FNDC4: variants seen among roughly 807,000 people sequenced by gnomAD.
FNDC4 encodes fibronectin type III domain containing 4, also known as fibronectin type III domain-containing protein 4.
In FNDC4, 11 loss-of-function variants were observed where a neutral mutation model predicts 25.1. The observed-to-expected ratio is 0.44, with a 90% CI of 0.28 to 0.73. The LOEUF is 0.73. Ranked by LOEUF, FNDC4 falls within the 30% of genes least tolerant of loss-of-function variation. The pLI is 0.16. For synonymous variants in FNDC4, 136 were observed against 118.8 expected (o/e 1.14, Z -0.94); for missense variants, 250 against 304.3 (o/e 0.82, Z 1.33).
In FNDC4 at chr2:27,494,020, C is replaced by T. The variant is rs1046558; in HGVS notation, c.364G>A (p.Gly122Ser). 2.5e-6 allele frequency: 4 copies of T among 1,614,096 alleles called. No homozygotes were observed. In the African/African-American group the frequency reaches 4.0e-5, roughly 16 times the overall value. The change falls in exon 4 of 7, where the codon GGC becomes AGC. Residue 122 changes from glycine (G) to serine (S), a missense_variant. By Grantham distance (56) the Gly-to-Ser change is moderately conservative. Transcript: ENST00000264703. The surrounding 1 kb of genome is among the most constrained non-coding windows in gnomAD (Gnocchi z 4.6). ...CCTGGGGGACTCTCTCCCCGAAGGC[C>T]GATGCTCCTGACCTGCACTGTGTAG... is the stretch of plus-strand genomic sequence containing the variant. ...SDYTVQVRSI[G>S]LRGESPPGPR...
rs371859539 is a variant in FNDC4, at chr2:27,494,141, G to A, written c.250-7C>T. On this transcript the variant is annotated splice_polypyrimidine_tract_variant and splice_region_variant and intron_variant, in intron 3 of 6. Coordinates refer to ENST00000264703, the MANE Select transcript of FNDC4 (RefSeq NM_022823.3). The surrounding 1 kb of genome is among the most constrained non-coding windows in gnomAD (Gnocchi z 4.6). ...GCCCGGGGCCATTCTGCCGCTGCAG[G>A]GAGATGAGGGGAGAGGAGGACAGCC... 1.2e-5 allele frequency: 19 copies of A among 1,612,568 alleles called. No homozygotes were observed. In the African/African-American group the frequency reaches 2.0e-4, roughly 17 times the overall value.
In FNDC4 at chr2:27,494,660, C is replaced by G. The variant is rs1464921888; in HGVS notation, c.20G>C (p.Ser7Thr). 6.4e-7 allele frequency: 1 copy of G among 1,565,300 alleles called. No homozygotes were observed. The highest frequency in any genetic ancestry group is 8.6e-7 in the Non-Finnish European group (1 of 1,159,018). MPSGCH[S>T]SPPSGLRGDM... Reference sequence around the variant, plus strand: ...CCCACGGAGTCCGCTGGGGGGGGAACTGTGGCATCCGCTTGGCATCCGCTT... The same window carrying G: ...CCCACGGAGTCCGCTGGGGGGGGAAGTGTGGCATCCGCTTGGCATCCGCTT... Residue 7 changes from serine (S) to threonine (T), a missense_variant, in exon 2 of 7, where the codon AGT becomes ACT. By Grantham distance (58) the Ser-to-Thr change is moderately conservative (BLOSUM62 1). Coordinates refer to ENST00000264703, the MANE Select transcript of FNDC4 (RefSeq NM_022823.3). This position sits in a 1 kb window ranked among gnomAD's most constrained non-coding sequence, Gnocchi z 4.6.
In FNDC4 at chr2:27,492,672, T is replaced by C. The variant is rs753341383; in HGVS notation, c.663A>G (p.Thr221=). 3 of 1,614,016 alleles carry C rather than the reference T, an allele frequency of 1.9e-6. No homozygotes were observed. Among genetic ancestry groups the C allele is most frequent in the African/African-American group, 2.7e-5 (2 of 74,926 alleles). Residue 221 remains threonine (T), a synonymous_variant, in exon 6 of 7, where the codon ACA becomes ACG. Coordinates refer to ENST00000264703, the MANE Select transcript of FNDC4 (RefSeq NM_022823.3). The surrounding 1 kb of genome is among the most constrained non-coding windows in gnomAD (Gnocchi z 4.1). The part of the protein sequence containing the change: ...EQSPQGRPVG[T]RQKKSPSINT... ...TCACTGGCCCCCACATCACCTGTCT[T>C]GTCCCCACTGGCCTTCCCTGAGGAC... is the stretch of plus-strand genomic sequence containing the variant.
chr2:27,493,978 G>C lies in FNDC4; in HGVS notation c.406C>G (p.Arg136Gly). 1 of 1,614,212 alleles carries C rather than the reference G, an allele frequency of 6.2e-7. No homozygotes were observed. The highest frequency in any genetic ancestry group is 8.5e-7 in the Non-Finnish European group (1 of 1,180,040). Residue 136 changes from arginine (R) to glycine (G), a missense_variant, in exon 4 of 7, where the codon CGA (arginine) becomes GGA (glycine). By Grantham distance (125) the Arg-to-Gly change is moderately radical. Coordinates refer to ENST00000264703, the MANE Select transcript of FNDC4 (RefSeq NM_022823.3). ...AGCCGGTCAGAACCCTTGAGAGTTCGGAAGTGCACCCGGGGCCCTGGGGGA... is the reference window on the plus strand; with the variant it reads ...AGCCGGTCAGAACCCTTGAGAGTTCCGAAGTGCACCCGGGGCCCTGGGGGA... The part of the protein sequence containing the change: ...ESPPGPRVHF[R>G]TLKGSDRLPS...
Position 27,492,278 on chromosome 2 carries a change from C to A in FNDC4, c.*165G>T. On this transcript the variant is annotated 3_prime_UTR_variant, in exon 7 of 7. Coordinates refer to ENST00000264703, the MANE Select transcript of FNDC4 (RefSeq NM_022823.3). This position sits in a 1 kb window ranked among gnomAD's most constrained non-coding sequence, Gnocchi z 4.1. Reference sequence around the variant, plus strand: ...GGGCACAGACTCTGAACAGACCTACCTTCTGGCTCTGCTCACAGTGGAAAG... The same window carrying A: ...GGGCACAGACTCTGAACAGACCTACATTCTGGCTCTGCTCACAGTGGAAAG... 2 of 818,716 alleles carry A rather than the reference C, an allele frequency of 2.4e-6. No individual in the cohort carries two copies. The highest frequency in any genetic ancestry group is 1.5e-5 in the South Asian group (1 of 65,514). The allele number at this position is 818,716 out of a possible 1,614,324, so 50.7% of individuals were successfully genotyped here.
chr2:27,492,629 G>C lies in FNDC4; in HGVS notation c.669+37C>G, dbSNP rs530066881. On this transcript the variant is annotated intron_variant, in intron 6 of 6. Transcript: ENST00000264703. This position sits in a 1 kb window ranked among gnomAD's most constrained non-coding sequence, Gnocchi z 4.1. The stretch of plus-strand genomic sequence containing the variant: ...TTTCCCTGGCTGCCCCTCAGGGGCA[G>C]AATCACCCTTTCCGCCCTCACTGGC... The C allele has an allele frequency of 6.2e-7, 1 of 1,613,648 alleles. No homozygotes were observed. Among genetic ancestry groups the C allele is most frequent in the Admixed American group, 1.7e-5 (1 of 60,002 alleles).
chr2:27,492,818 A>G lies in FNDC4; in HGVS notation c.545-28T>C. The G allele has an allele frequency of 6.2e-7, 1 of 1,613,542 alleles. No individual in the cohort carries two copies. The highest frequency in any genetic ancestry group is 8.5e-7 in the Non-Finnish European group (1 of 1,179,910). ...GAAACACAATACAGTCTGAGCCTTCATCTCCACTTCCCCCCTCATAGGGAG... is the reference window on the plus strand; with the variant it reads ...GAAACACAATACAGTCTGAGCCTTCGTCTCCACTTCCCCCCTCATAGGGAG... On this transcript the variant is annotated intron_variant, in intron 5 of 6. Coordinates refer to ENST00000264703, the MANE Select transcript of FNDC4 (RefSeq NM_022823.3). This position sits in a 1 kb window ranked among gnomAD's most constrained non-coding sequence, Gnocchi z 4.1.
In FNDC4 at chr2:27,492,354, T is replaced by C; in HGVS notation, c.*89A>G. ...TGGGAGTGGCATTACCCTCTGGGAG[T>C]CTCGGGCAGATCACCATCTTGGGCT... On this transcript the variant is annotated 3_prime_UTR_variant, in exon 7 of 7. Coordinates refer to ENST00000264703, the MANE Select transcript of FNDC4 (RefSeq NM_022823.3). The surrounding 1 kb of genome is among the most constrained non-coding windows in gnomAD (Gnocchi z 4.1). The C allele has an allele frequency of 6.6e-7, 1 of 1,506,098 alleles. No individual in the cohort carries two copies. The highest frequency in any genetic ancestry group is 9.2e-7 in the Non-Finnish European group (1 of 1,082,014). The allele number at this position is 1,506,098 out of a possible 1,614,324, so 93.3% of individuals were successfully genotyped here.
In FNDC4 at chr2:27,494,615, G is replaced by T; in HGVS notation, c.65C>A (p.Pro22His). ...GLRGDMASLV[P>H]LSPYLSPTVL... ...CGTGGGGCTTAGATATGGGGAAAGGGGCACCAGCGAAGCCATGTCCCCACG... is the reference window on the plus strand; with the variant it reads ...CGTGGGGCTTAGATATGGGGAAAGGTGCACCAGCGAAGCCATGTCCCCACG... The change falls in exon 2 of 7, where the codon CCC (proline) becomes CAC (histidine). Residue 22 changes from proline to histidine, a missense_variant. Pro to His is a moderately conservative substitution (Grantham distance 77). Coordinates refer to ENST00000264703, the MANE Select transcript of FNDC4 (RefSeq NM_022823.3). This position sits in a 1 kb window ranked among gnomAD's most constrained non-coding sequence, Gnocchi z 4.6. The T allele has an allele frequency of 1.2e-6, 2 of 1,609,176 alleles. No individual in the cohort carries two copies. The highest frequency in any genetic ancestry group is 1.7e-6 in the Non-Finnish European group (2 of 1,178,084).
At chr2:27,493,573 C>G in intron 4 of FNDC4, 95 bp from the exon 5 acceptor site, 1 of 1,044,630 alleles carries the variant, frequency 9.6e-7, no homozygotes, top group Non-Finnish European at 1.5e-6. Flanking sequence ...AAAGGGTGGA[C>G]CCATCATAAT....
chr2:27,493,306 C>T lies in FNDC4; in HGVS notation c.544+83G>A, dbSNP rs1056049580. The T allele has an allele frequency of 1.4e-5, 16 of 1,124,564 alleles. No homozygotes were observed. The South Asian group carries it at 1.9e-4, about 13-fold the overall frequency. 69.7% of individuals were successfully genotyped at this position (1,124,564 alleles called of 1,614,324 possible). ...GGATTACAGGCGTGAGCCACTGTAT[C>T]TCTCACTTCTTTTTCTCCTGACAAC... On this transcript the variant is annotated intron_variant, in intron 5 of 6. Coordinates refer to ENST00000264703, the MANE Select transcript of FNDC4 (RefSeq NM_022823.3).
rs1318068079 is a variant in FNDC4, at chr2:27,492,044, T to C, written c.*399A>G. 3 of 237,638 alleles carry C rather than the reference T, an allele frequency of 1.3e-5. No homozygotes were observed. The highest frequency in any genetic ancestry group is 6.6e-5 in the African/African-American group (3 of 45,548). The allele number at this position is 237,638 out of a possible 1,614,324, so 14.7% of individuals were successfully genotyped here. Reference sequence around the variant, plus strand: ...CTCTAGGGTCAGACAATTCCTTTTATTTGCTGGGGTAAGAGGAGTACCCAC... The same window carrying C: ...CTCTAGGGTCAGACAATTCCTTTTACTTGCTGGGGTAAGAGGAGTACCCAC... On this transcript the variant is annotated 3_prime_UTR_variant, in exon 7 of 7. Transcript: ENST00000264703. The surrounding 1 kb of genome is among the most constrained non-coding windows in gnomAD (Gnocchi z 4.1).
chr2:27,494,879 T>G lies in FNDC4; in HGVS notation c.-26A>C. 2.0e-6 allele frequency: 1 copy of G among 494,286 alleles called. No homozygotes were observed. Among genetic ancestry groups the G allele is most frequent in the Non-Finnish European group, 3.5e-6 (1 of 281,846 alleles). 30.6% of individuals were successfully genotyped at this position (494,286 alleles called of 1,614,324 possible). A position where few individuals can be genotyped will look rare whatever the true frequency, so the allele number is the denominator to read the frequency against. The stretch of plus-strand genomic sequence containing the variant: ...GCGGTCCGCCCTGCCCACACCCACC[T>G]CCGCCGGTCCTCGCGGTTGGTCAGG... On this transcript the variant is annotated splice_region_variant and 5_prime_UTR_variant, in exon 1 of 7. Transcript: ENST00000264703. This position sits in a 1 kb window ranked among gnomAD's most constrained non-coding sequence, Gnocchi z 4.6.
At position 27,494,152 on chromosome 2, in the gene FNDC4, G is replaced by T. The variant is rs1280553971; in HGVS notation, c.250-18C>A. On this transcript the variant is annotated intron_variant, in intron 3 of 6. Coordinates refer to ENST00000264703, the MANE Select transcript of FNDC4 (RefSeq NM_022823.3). The surrounding 1 kb of genome is among the most constrained non-coding windows in gnomAD (Gnocchi z 4.6). ...TTCTGCCGCTGCAGGGAGATGAGGG[G>T]AGAGGAGGACAGCCTCACCCCAGTG... is the stretch of plus-strand genomic sequence containing the variant. 9 of 1,611,008 alleles carry T rather than the reference G, an allele frequency of 5.6e-6. No individual in the cohort carries two copies. The East Asian group carries it at 2.0e-4, about 36-fold the overall frequency.
rs1200743168 is a variant in FNDC4, at chr2:27,492,850, A to G, written c.545-60T>C. Reference sequence around the variant, plus strand: ...CTTCCCCCCTCATAGGGAGATACCTACGTAGCTTCTAGAAAATCCATGAAG... The same window carrying G: ...CTTCCCCCCTCATAGGGAGATACCTGCGTAGCTTCTAGAAAATCCATGAAG... On this transcript the variant is annotated intron_variant, in intron 5 of 6. Coordinates refer to ENST00000264703, the MANE Select transcript of FNDC4 (RefSeq NM_022823.3). This position sits in a 1 kb window ranked among gnomAD's most constrained non-coding sequence, Gnocchi z 4.1. 1.9e-6 allele frequency: 3 copies of G among 1,600,356 alleles called. No individual in the cohort carries two copies. Among genetic ancestry groups the G allele is most frequent in the South Asian group, 1.1e-5 (1 of 90,826 alleles).
chr2:27,494,021 G>A lies in FNDC4; in HGVS notation c.363C>T (p.Ile121=), dbSNP rs61734464. The A allele has an allele frequency of 1.4e-5, 22 of 1,614,156 alleles. No individual in the cohort carries two copies. In the African/African-American group the frequency reaches 1.7e-4, roughly 13 times the overall value. ...CTGGGGGACTCTCTCCCCGAAGGCC[G>A]ATGCTCCTGACCTGCACTGTGTAGT... ...DSDYTVQVRS[I]GLRGESPPGP... The change falls in exon 4 of 7, where the codon ATC becomes ATT. Residue 121 remains isoleucine, a synonymous_variant. Coordinates refer to ENST00000264703, the MANE Select transcript of FNDC4 (RefSeq NM_022823.3). This position sits in a 1 kb window ranked among gnomAD's most constrained non-coding sequence, Gnocchi z 4.6.
Position 27,493,921 on chromosome 2 carries a change from G to T in FNDC4, c.454+9C>A, listed in dbSNP as rs1250464721. 6.2e-7 allele frequency: 1 copy of T among 1,613,906 alleles called. No homozygotes were observed. Among genetic ancestry groups the T allele is most frequent in the Non-Finnish European group, 8.5e-7 (1 of 1,179,730 alleles). ...AGCAGCCAGAGAATCCAATAGCACAGATCCTCACCTGGGCTTGAACTGTTT... is the reference window on the plus strand; with the variant it reads ...AGCAGCCAGAGAATCCAATAGCACATATCCTCACCTGGGCTTGAACTGTTT... On this transcript the variant is annotated intron_variant, in intron 4 of 6. Transcript: ENST00000264703.
At chr2:27,493,542 G>A in intron 4 of FNDC4, 64 bp from the exon 5 acceptor site, 1 of 1,212,146 alleles carries the variant, frequency 8.2e-7, no homozygotes, top group South Asian at 1.2e-5. Context: ...AGACATGCAG[G>A]ATGGAGATGC....
At position 27,494,852 on chromosome 2, in the gene FNDC4, G is replaced by A; in HGVS notation, c.-25+26C>T. ...CCCGCATTGCCCGGGCGGCCCCAGA[G>A]TGCGGTCCGCCCTGCCCACACCCAC... On this transcript the variant is annotated intron_variant, in intron 1 of 6. Coordinates refer to ENST00000264703, the MANE Select transcript of FNDC4 (RefSeq NM_022823.3). The surrounding 1 kb of genome is among the most constrained non-coding windows in gnomAD (Gnocchi z 4.6). 1 of 575,398 alleles carries A rather than the reference G, an allele frequency of 1.7e-6. No homozygotes were observed. The highest frequency in any genetic ancestry group is 3.1e-6 in the Non-Finnish European group (1 of 327,004). The allele number at this position is 575,398 out of a possible 1,614,324, so 35.6% of individuals were successfully genotyped here.
Sources: gnomAD v4.1 joint callset for allele counts on GRCh38, gnomAD v4.1.1 for gene constraint, Gnocchi (gnomAD v3.1) non-coding constraint, MANE v1.5 for transcripts, NCBI Gene and HGNC (gene_info 2026-07-23, HGNC 2026-07-21) for gene names.